DNAH7: variants seen among roughly 807,000 people sequenced by gnomAD.
The protein encoded by DNAH7 is axonemal beta dynein heavy chain 7.
In DNAH7, 397 loss-of-function variants were observed where a neutral mutation model predicts 444.6. The ratio of observed to expected loss-of-function variants is 0.89; its 90% CI spans 0.82 to 0.97. DNAH7 has a LOEUF of 0.97. DNAH7 is among the 50% of genes least tolerant of loss of function. DNAH7 has a pLI of 0.00. For missense variants in DNAH7, 4,902 were observed against 4,800.8 expected, an observed-to-expected ratio of 1.02 and a Z score of -0.62; for synonymous variants, 1,636 against 1,624.4, an observed-to-expected ratio of 1.01 and a Z score of -0.17.
At chr2:195,876,788 G>C (rs1701089279) in intron 36 of DNAH7, 89 bp from the exon 37 acceptor site, 1 of 863,754 alleles carries the variant, frequency 1.2e-6, no homozygotes, top group Non-Finnish European at 1.8e-6. Flanking sequence ...TGATAGACTC[G>C]AATTTAACCT....
chr2:196,022,698 C>T (rs1695452785), intron 8 of DNAH7, among the ~76,000 whole-genome samples: 1 of 152,190 alleles, frequency 6.6e-6, no homozygotes, highest in Non-Finnish European at 1.5e-5. Flanking sequence ...CACTCAAAGT[C>T]ATCCGTAAGG....
At chr2:196,045,175 G>A (rs529708036) in intron 5 of DNAH7, among the ~76,000 whole-genome samples, 27 of 147,666 alleles carry the variant, frequency 1.8e-4, no homozygotes, top group Non-Finnish European at 3.9e-4. Context: ...AGGAGGAGGA[G>A]GAAGAGAAGA....
intron 45 of DNAH7, 41 bp from the exon 46 acceptor site, chr2:195,853,569 T>A: frequency 6.5e-7 from 1 of 1,544,076 alleles, no homozygotes; most frequent in Non-Finnish European, 8.7e-7. Flanking sequence ...TTTACAAGTA[T>A]AAGAAGTTTA....
At chr2:195,745,854 TA>T (rs1368899077) in intron 63 of DNAH7, among the ~76,000 whole-genome samples, 7 of 152,140 alleles carry the variant, frequency 4.6e-5, no homozygotes, top group African/African-American at 1.7e-4. Flanking sequence ...AAGGAAGCAC[TA>T]AACATGGAAA....
chr2:195,862,140 T>C (rs935528279), intron 41 of DNAH7, among the ~76,000 whole-genome samples, 194 bp from the exon 42 acceptor site: 1 of 152,152 alleles, frequency 6.6e-6, no homozygotes, highest in African/African-American at 2.4e-5. Context: ...AGCTAGTTAG[T>C]GCATATAACA....
At chr2:196,064,976 A>AAT (rs1698344265) in intron 1 of DNAH7, among the ~76,000 whole-genome samples, 2 of 152,130 alleles carry the variant, frequency 1.3e-5, no homozygotes, top group Admixed American at 1.3e-4. Context: ...ATGTAACATA[A>AAT]ATATATATGT....
chr2:195,851,295 G>C (rs1221977862), intron 46 of DNAH7, among the ~76,000 whole-genome samples: 30 of 152,164 alleles, frequency 2.0e-4, no homozygotes, highest in Admixed American at 2.0e-3. Flanking sequence ...TGTGACATGA[G>C]AGTGACATGA....
At chr2:195,995,971 A>G (rs1435631219) in intron 12 of DNAH7, among the ~76,000 whole-genome samples, 2 of 152,200 alleles carry the variant, frequency 1.3e-5, no homozygotes, top group Non-Finnish European at 2.9e-5. Flanking sequence ...AAATCTGGAG[A>G]TCACTTTGGG....
intron 12 of DNAH7, 42 bp downstream of exon 12, chr2:196,000,662 C>A (rs774529906): frequency 2.8e-6 from 4 of 1,406,600 alleles, no homozygotes; most frequent in South Asian, 3.7e-5. Context: ...AAGTGAATGT[C>A]ATTATGCAAA....
intron 9 of DNAH7, among the ~76,000 whole-genome samples, chr2:196,014,015 C>T (rs764941686): frequency 2.0e-5 from 3 of 152,088 alleles, no homozygotes; most frequent in Non-Finnish European, 4.4e-5. Flanking sequence ...AAACAGAATT[C>T]GAGGCATAGA....
intron 49 of DNAH7, 47 bp downstream of exon 49, chr2:195,824,208 C>T: frequency 6.6e-7 from 1 of 1,524,258 alleles, no homozygotes; most frequent in Admixed American, 1.9e-5. Context: ...AATATATAGT[C>T]ACTAATTACA....
rs759110527 is a variant in DNAH7, at chr2:195,858,459, T to C, written c.8067+15A>G. 7.7e-6 allele frequency: 12 copies of C among 1,559,018 alleles called. No homozygotes were observed. The highest frequency in any genetic ancestry group is 1.4e-5 in the African/African-American group (1 of 72,862). On this transcript the variant is annotated intron_variant, in intron 43 of 64. Coordinates refer to ENST00000312428, the MANE Select transcript of DNAH7 (RefSeq NM_018897.3). ...GATGACATGTGTCCTAGAAAGTGTA[T>C]GGCGAAGCTCTTACCTGTGCAGTAA... is the stretch of plus-strand genomic sequence containing the variant.
intron 21 of DNAH7, among the ~76,000 whole-genome samples, chr2:195,929,905 C>G (rs1688577203): frequency 6.6e-6 from 1 of 152,168 alleles, no homozygotes; most frequent in African/African-American, 2.4e-5. Context: ...TTTGGCACAG[C>G]AAAAGAAACT....
intron 5 of DNAH7, among the ~76,000 whole-genome samples, chr2:196,042,687 A>G (rs1385696377): frequency 6.6e-6 from 1 of 152,152 alleles, no homozygotes; most frequent in African/African-American, 2.4e-5. Context: ...GTGTCAAAAC[A>G]AAATAAAAAC....
chr2:195,985,800 T>C (rs1412425641), intron 14 of DNAH7, among the ~76,000 whole-genome samples: 2 of 152,158 alleles, frequency 1.3e-5, no homozygotes, highest in African/African-American at 2.4e-5. Context: ...ACTTTCACTA[T>C]TCTTCTAGTT....
chr2:196,040,550 C>G (rs915550443), intron 5 of DNAH7, among the ~76,000 whole-genome samples: 5 of 152,052 alleles, frequency 3.3e-5, no homozygotes, highest in African/African-American at 1.2e-4. Flanking sequence ...TCTCCACAAC[C>G]TTGGTACAGA....
chr2:195,799,593 T>A, intron 54 of DNAH7, 121 bp from the exon 55 acceptor site: 1 of 772,002 alleles, frequency 1.3e-6, no homozygotes, highest in Non-Finnish European at 1.9e-6. Flanking sequence ...AGGTATTCAT[T>A]AATGGTGGGG....
intron 27 of DNAH7, 62 bp downstream of exon 27, chr2:195,906,597 T>G: frequency 6.5e-7 from 1 of 1,530,766 alleles, no homozygotes; most frequent in Non-Finnish European, 8.9e-7. Context: ...CCCAGCTCTT[T>G]TCATATATTA....
Position 195,953,804 on chromosome 2 carries a change from C to T in DNAH7, c.3078+3457G>A, listed in dbSNP as rs140840827. 3.1e-3 allele frequency among the ~76,000 whole-genome samples: 476 copies of T among 152,218 alleles called. 3 individuals carry two copies. The highest frequency in any genetic ancestry group is 0.011 in the African/African-American group (457 of 41,550). On this transcript the variant is annotated intron_variant, in intron 19 of 64. Transcript: ENST00000312428. ...TCAACCTCTGAGGTTTTTAAAAGAA[C>T]CTTTATTAGGAACTCCTAAGAATGA...
Sources: allele counts gnomAD v4.1 joint callset (sites outside exome capture counted in the v4.1 genomes callset), GRCh38; gene constraint gnomAD v4.1.1; transcripts MANE v1.5; gene names NCBI Gene and HGNC (gene_info 2026-07-23, HGNC 2026-07-21).